The following ITSN2 variants were observed in gnomAD, a reference collection of about 807,000 sequenced individuals.
ITSN2 encodes the protein intersectin-2.
In ITSN2, 156 loss-of-function variants were observed where a neutral mutation model predicts 243.7. That is an observed-to-expected ratio of 0.64 (90% CI 0.56 to 0.73). The LOEUF (loss-of-function observed/expected upper bound fraction) is 0.73, where lower values mean the gene tolerates loss of function less well. Among genes scored for constraint, ITSN2 ranks in the 30% least tolerant of loss-of-function variants. The pLI is 0.00. For synonymous variants in ITSN2, 703 were observed against 699.9 expected, an observed-to-expected ratio of 1.00 and a Z score of -0.07; for missense variants, 1,801 against 1,996.1, an observed-to-expected ratio of 0.90 and a Z score of 1.86.
intron 2 of ITSN2, among the ~76,000 whole-genome samples, chr2:24,327,593 C>T (rs1432707480): frequency 6.6e-6 from 1 of 152,066 alleles, no homozygotes; most frequent in Non-Finnish European, 1.5e-5. Flanking sequence ...CCACCACACC[C>T]GGCCAGCACT....
At position 24,310,302 on chromosome 2, in the gene ITSN2, A is replaced by G; in HGVS notation, c.635T>C (p.Ile212Thr). 6.2e-7 allele frequency: 1 copy of G among 1,613,222 alleles called. No homozygotes were observed. Among genetic ancestry groups the G allele is most frequent in the Non-Finnish European group, 8.5e-7 (1 of 1,179,348 alleles). The change falls in exon 7 of 40, where the codon ATT becomes ACT. Residue 212 changes from isoleucine to threonine, a missense_variant. Around this residue, in one of 5 missense-constraint regions of ITSN2, gnomAD observed 787 missense variants for 803.9 expected, o/e 0.98. Coordinates refer to ENST00000355123, the MANE Select transcript of ITSN2 (RefSeq NM_006277.3). ...GASIQKAQSL[I>T]DLGSSSSTSS... ...TTCATACCTACTAGATCCTAAATCA[A>G]TCAGAGACTGCGCTTTCTGTATACT... is the stretch of plus-strand genomic sequence containing the variant.
chr2:24,330,425 G>A (rs1020187841), intron 1 of ITSN2: 4 of 620,570 alleles, frequency 6.4e-6, no homozygotes, highest in Non-Finnish European at 1.2e-5. Context: ...AGGGTGAAGG[G>A]GATGCTAAAG....
intron 34 of ITSN2, among the ~76,000 whole-genome samples, 193 bp downstream of exon 34, chr2:24,210,587 C>G (rs1192495490): frequency 6.7e-6 from 1 of 148,756 alleles, no homozygotes; most frequent in African/African-American, 2.5e-5. Flanking sequence ...TGCACTCCAG[C>G]CTGGGCAACA....
intron 1 of ITSN2, among the ~76,000 whole-genome samples, chr2:24,339,671 C>A (rs553882208): frequency 1.3e-5 from 2 of 152,048 alleles, no homozygotes; most frequent in East Asian, 3.9e-4. Context: ...AAGATTTCAC[C>A]TGATTTTTTC....
chr2:24,308,786 G>T (rs1255074430), intron 7 of ITSN2, 30 bp from the exon 8 acceptor site: 2 of 1,141,582 alleles, frequency 1.8e-6, no homozygotes, highest in Admixed American at 3.3e-5. Flanking sequence ...AAATTTTTAT[G>T]TTACTAAATA....
intron 19 of ITSN2, 83 bp downstream of exon 19, chr2:24,271,683 T>C (rs745949459): frequency 3.5e-6 from 5 of 1,414,692 alleles, no homozygotes; most frequent in African/African-American, 1.5e-5. Context: ...TCTTTCTAAT[T>C]TTCTTCCCTT....
In ITSN2 at chr2:24,291,730, C is replaced by T. The variant is rs1046129668; in HGVS notation, c.1723+1958G>A. Among the ~76,000 whole-genome samples, 8 of 152,152 alleles carry T rather than the reference C, an allele frequency of 5.3e-5. No individual in the cohort carries two copies. In the East Asian group the frequency reaches 7.7e-4, roughly 15 times the overall value. Reference sequence around the variant, plus strand: ...ATCTCGATCTCTTGACCTCGTGATCCGCCTGCCTTGGCCTCCCAAAGTGCT... The same window carrying T: ...ATCTCGATCTCTTGACCTCGTGATCTGCCTGCCTTGGCCTCCCAAAGTGCT... On this transcript the variant is annotated intron_variant, in intron 15 of 39. Coordinates refer to ENST00000355123, the MANE Select transcript of ITSN2 (RefSeq NM_006277.3).
At chr2:24,334,303 C>G (rs1275457296) in intron 1 of ITSN2, among the ~76,000 whole-genome samples, 1 of 152,256 alleles carries the variant, frequency 6.6e-6, no homozygotes, top group East Asian at 1.9e-4. Context: ...ACGTGATCCG[C>G]CCGCCTCGGC....
intron 18 of ITSN2, among the ~76,000 whole-genome samples, chr2:24,273,974 T>G (rs1350599253): frequency 1.3e-5 from 2 of 152,240 alleles, no homozygotes; most frequent in Admixed American, 6.5e-5. Context: ...TTCCGCTCTC[T>G]TTGATTTCTC....
In ITSN2 at chr2:24,261,629, T is replaced by A. The variant is rs774922380; in HGVS notation, c.2469A>T (p.Lys823Asn). 5.0e-6 allele frequency: 8 copies of A among 1,613,490 alleles called. No homozygotes were observed. In the Admixed American group the frequency reaches 1.2e-4, roughly 24 times the overall value. Reference sequence around the variant, plus strand: ...GTAAGGCCTTCTTTGGAGATACAGCTTTTTCATTTTCACTTGATGGCATTT... The same window carrying A: ...GTAAGGCCTTCTTTGGAGATACAGCATTTTCATTTTCACTTGATGGCATTT... ...VEKMPSSENE[K>N]AVSPKKALLP... Residue 823 changes from lysine to asparagine, a missense_variant, in exon 21 of 40, where the codon AAA becomes AAT. This residue lies in a region of ITSN2 where 928 missense variants were observed against 1,065.4 expected (regional missense o/e 0.87). Transcript: ENST00000355123.
intron 29 of ITSN2, among the ~76,000 whole-genome samples, chr2:24,226,780 A>C (rs1436834058): frequency 6.6e-6 from 1 of 152,192 alleles, no homozygotes; most frequent in African/African-American, 2.4e-5. Flanking sequence ...AAAGGAATCA[A>C]TATTACTGTA....
chr2:24,331,068 C>CTT (rs1182993261), intron 1 of ITSN2, among the ~76,000 whole-genome samples: 42 of 111,762 alleles, frequency 3.8e-4, no homozygotes, highest in Admixed American at 3.9e-4. Flanking sequence ...CACCCGGCCA[C>CTT]TTTTTTTTTT....
chr2:24,320,668 T>C (rs1684461811), intron 2 of ITSN2, among the ~76,000 whole-genome samples: 1 of 148,500 alleles, frequency 6.7e-6, no homozygotes, highest in Non-Finnish European at 1.5e-5. Context: ...GGAGCACTGA[T>C]CACACCACTG....
intron 4 of ITSN2, among the ~76,000 whole-genome samples, chr2:24,313,080 A>AT (rs1683454129): frequency 6.9e-6 from 1 of 144,006 alleles, no homozygotes; most frequent in Non-Finnish European, 1.5e-5. Flanking sequence ...CTGAAGAAAT[A>AT]CCTTTTTTTT....
rs188824800 is a variant in ITSN2, at chr2:24,237,786, T to C, written c.3577+8343A>G. Among the ~76,000 whole-genome samples, 14 of 152,296 alleles carry C rather than the reference T, an allele frequency of 9.2e-5. No homozygotes were observed. In the East Asian group the frequency reaches 2.5e-3, roughly 27 times the overall value. ...ACCTTGGGTGCATATCAGAATCATA[T>C]GGGAGGCTTTGAAAGATCCCCACGA... On this transcript the variant is annotated intron_variant, in intron 29 of 39. Transcript: ENST00000355123.
intron 19 of ITSN2, among the ~76,000 whole-genome samples, 185 bp downstream of exon 19, chr2:24,271,581 C>T (rs545868538): frequency 3.9e-5 from 6 of 152,288 alleles, no homozygotes; most frequent in South Asian, 2.1e-4. Flanking sequence ...ATTTCTACTG[C>T]TGTGTTAAGA....
In ITSN2 at chr2:24,246,247, G is replaced by A. The variant is rs1011933498; in HGVS notation, c.3459C>T (p.Leu1153=). ...EDELSFSKGQ[L]INVMNKDDPD... is the part of the protein sequence containing the mutation. Reference sequence around the variant, plus strand: ...GATCATCTTTGTTCATAACATTAATGAGTTGTCCCTTGGAGAAACTGAGCT... The same window carrying A: ...GATCATCTTTGTTCATAACATTAATAAGTTGTCCCTTGGAGAAACTGAGCT... Residue 1153 remains leucine (L), a synonymous_variant, in exon 29 of 40, where the codon CTC becomes CTT. Transcript: ENST00000355123. 6 of 1,612,832 alleles carry A rather than the reference G, an allele frequency of 3.7e-6. No homozygotes were observed. Among genetic ancestry groups the A allele is most frequent in the African/African-American group, 1.3e-5 (1 of 74,980 alleles).
chr2:24,329,551 G>A (rs1193439301), intron 1 of ITSN2, among the ~76,000 whole-genome samples: 1 of 152,168 alleles, frequency 6.6e-6, no homozygotes, highest in Non-Finnish European at 1.5e-5. Context: ...GGGATTACAG[G>A]CCACTGTGTC....
chr2:24,346,383 C>A (rs1159059059), intron 1 of ITSN2, among the ~76,000 whole-genome samples: 1 of 152,156 alleles, frequency 6.6e-6, no homozygotes, highest in African/African-American at 2.4e-5. Flanking sequence ...ATTTATATAT[C>A]TCCTACAATA....
Sources: gnomAD v4.1 joint callset for allele counts (sites outside exome capture counted in the v4.1 genomes callset) on GRCh38, gnomAD v4.1.1 for gene constraint, gnomAD v4.1.1 regional missense constraint, MANE v1.5 for transcripts, NCBI Gene and HGNC (gene_info 2026-07-23, HGNC 2026-07-21) for gene names.